The following SAMSN1 variants were observed in gnomAD, a reference collection of about 807,000 sequenced individuals.
SAMSN1 encodes SAM domain-containing protein SAMSN-1.
A neutral mutation model predicts 42.0 loss-of-function variants in SAMSN1; 31 were observed. The ratio of observed to expected loss-of-function variants is 0.74; its 90% CI spans 0.55 to 1.00. The LOEUF (loss-of-function observed/expected upper bound fraction) is 1.00. SAMSN1 is among the 50% of genes least tolerant of loss of function. The pLI is 0.00. For synonymous variants in SAMSN1, 178 were observed against 151.9 expected, an observed-to-expected ratio of 1.17 and a Z score of -1.26; for missense variants, 464 against 439.4, an observed-to-expected ratio of 1.06 and a Z score of -0.50.
intron 1 of SAMSN1, among the ~76,000 whole-genome samples, chr21:14,531,348 A>G (rs1276040625): frequency 1.3e-5 from 2 of 152,130 alleles, no homozygotes; most frequent in Admixed American, 1.3e-4. Context: ...ACAAACTATT[A>G]AAAGTATAAA....
chr21:14,554,721 C>T (rs1242107787), intron 2 of SAMSN1, among the ~76,000 whole-genome samples: 1 of 127,696 alleles, frequency 7.8e-6, no homozygotes, highest in African/African-American at 3.0e-5. Context: ...TTTTTTGAGA[C>T]AAAGTCTTCC....
At chr21:14,521,991 A>G (rs995352383) in intron 1 of SAMSN1, among the ~76,000 whole-genome samples, 10 of 152,214 alleles carry the variant, frequency 6.6e-5, no homozygotes, top group Admixed American at 5.9e-4. Flanking sequence ...GAAGGCACAC[A>G]CACAGACTTA....
At position 14,571,643 on chromosome 21, in the gene SAMSN1, A is replaced by G. The variant is rs369063446; in HGVS notation, c.261+10493T>C. ...TGAAATAAAATATCATGAAATGCAT[A>G]TGTGATGTGGCTACTATAAAATATA... On this transcript the variant is annotated intron_variant, in intron 2 of 8. Transcript: ENST00000285670. Among the ~76,000 whole-genome samples the G allele has an allele frequency of 2.6e-5, 4 of 152,316 alleles. No individual in the cohort carries two copies. In the East Asian group the frequency reaches 7.7e-4, roughly 29 times the overall value.
chr21:14,618,212 T>A (rs1982894776), intron 2 of SAMSN1, among the ~76,000 whole-genome samples: 1 of 152,234 alleles, frequency 6.6e-6, no homozygotes, highest in Non-Finnish European at 1.5e-5. Flanking sequence ...GACTTTCTTG[T>A]AATGAATATT....
chr21:14,638,778 T>C (rs181694317), intron 2 of SAMSN1, among the ~76,000 whole-genome samples: 1 of 152,302 alleles, frequency 6.6e-6, no homozygotes, highest in East Asian at 1.9e-4. Context: ...TGTTCTACAG[T>C]GTAAGGAAAT....
chr21:14,487,078 C>T (rs530462917), intron 7 of SAMSN1, among the ~76,000 whole-genome samples: 51 of 152,152 alleles, frequency 3.4e-4, no homozygotes, highest in Non-Finnish European at 6.0e-4. Context: ...GCTGCAGTAC[C>T]ATATCTTCCT....
At chr21:14,573,781 A>G (rs1981377898) in intron 2 of SAMSN1, among the ~76,000 whole-genome samples, 1 of 152,184 alleles carries the variant, frequency 6.6e-6, no homozygotes, top group Non-Finnish European at 1.5e-5. Context: ...ATGAGGAGGT[A>G]GAAGCCCATG....
At chr21:14,614,707 C>T (rs1982792197) in intron 3 of SAMSN1, among the ~76,000 whole-genome samples, 1 of 152,078 alleles carries the variant, frequency 6.6e-6, no homozygotes, top group African/African-American at 2.4e-5. Flanking sequence ...ATGCTTAGGA[C>T]ATCTCTTGGC....
intron 1 of SAMSN1, among the ~76,000 whole-genome samples, chr21:14,651,060 C>T (rs1983826657): frequency 6.6e-6 from 1 of 151,856 alleles, no homozygotes; most frequent in Admixed American, 6.6e-5. Context: ...AAAGAAAAGC[C>T]CAGAACCTGA....
chr21:14,559,713 C>T (rs914098969), intron 2 of SAMSN1, among the ~76,000 whole-genome samples: 3 of 151,850 alleles, frequency 2.0e-5, no homozygotes, highest in African/African-American at 7.3e-5. Context: ...CCTATGTTGC[C>T]CAGACTGGTC....
intron 7 of SAMSN1, among the ~76,000 whole-genome samples, chr21:14,493,117 G>A (rs1986764047): frequency 6.6e-6 from 1 of 152,088 alleles, no homozygotes; most frequent in South Asian, 2.1e-4. Context: ...GACTTGGGCA[G>A]GCAGGCAGGC....
intron 2 of SAMSN1, among the ~76,000 whole-genome samples, chr21:14,555,437 A>G (rs1342636860): frequency 5.3e-5 from 8 of 152,114 alleles, no homozygotes; most frequent in Non-Finnish European, 1.5e-5. Context: ...ATTTGGACAT[A>G]TTTATCTTAT....
chr21:14,613,631 T>C (rs1209520757), intron 3 of SAMSN1, among the ~76,000 whole-genome samples: 1 of 152,162 alleles, frequency 6.6e-6, no homozygotes, highest in Non-Finnish European at 1.5e-5. Context: ...TTCCTTTTCA[T>C]TTTTTAATGC....
chr21:14,588,877 G>A (rs1205683206), intron 7 of SAMSN1, among the ~76,000 whole-genome samples: 1 of 150,052 alleles, frequency 6.7e-6, no homozygotes, highest in Non-Finnish European at 1.5e-5. Flanking sequence ...TTTCACTTTT[G>A]TCTTTGTAAT....
chr21:14,553,141 T>TA lies in SAMSN1; in HGVS notation c.261+28994dup, dbSNP rs764940677. Reference sequence around the variant, plus strand: ...GGCATTATCTATTTATTCCTTTTTTTATCCTTGAGGATTTTGTACTCTTCT... The same window carrying TA: ...GGCATTATCTATTTATTCCTTTTTTTAATCCTTGAGGATTTTGTACTCTTCT... On this transcript the variant is annotated intron_variant, in intron 2 of 8. Coordinates refer to the SAMSN1 transcript ENST00000285670. Among the ~76,000 whole-genome samples, 41 of 152,258 alleles carry TA rather than the reference T, an allele frequency of 2.7e-4. 5 individuals are homozygous for TA. The highest frequency in any genetic ancestry group is 1.7e-3 in the South Asian group (8 of 4,830).
At chr21:14,626,816 A>G (rs1433371157) in intron 2 of SAMSN1, among the ~76,000 whole-genome samples, 1 of 152,212 alleles carries the variant, frequency 6.6e-6, no homozygotes, top group Non-Finnish European at 1.5e-5. Flanking sequence ...TGCTATAAAG[A>G]CACATGCACA....
chr21:14,651,316 A>G (rs1169024879), intron 1 of SAMSN1, among the ~76,000 whole-genome samples: 1 of 152,008 alleles, frequency 6.6e-6, no homozygotes, highest in Admixed American at 6.6e-5. Flanking sequence ...CAACAACAAT[A>G]TATTAGAAAG....
chr21:14,516,878 C>G lies in SAMSN1; in HGVS notation c.279+14G>C, dbSNP rs192625961. ...TTAGTAGAAAAATACAAATGATTATCAGAGAATATTTACCTTTTCCTCAGA... is the reference window on the plus strand; with the variant it reads ...TTAGTAGAAAAATACAAATGATTATGAGAGAATATTTACCTTTTCCTCAGA... On this transcript the variant is annotated intron_variant, in intron 3 of 7. Transcript: ENST00000400566. The G allele has an allele frequency of 3.1e-6, 5 of 1,589,682 alleles. No individual in the cohort carries two copies. In the East Asian group the frequency reaches 6.7e-5, roughly 21 times the overall value.
At chr21:14,540,317 C>T (rs1402560935) in intron 1 of SAMSN1, among the ~76,000 whole-genome samples, 1 of 152,194 alleles carries the variant, frequency 6.6e-6, no homozygotes, top group East Asian at 1.9e-4. Context: ...TAAAGAGCTT[C>T]TGCACAGCAA....
Sources: gnomAD v4.1 joint callset for allele counts (sites outside exome capture counted in the v4.1 genomes callset) on GRCh38, gnomAD v4.1.1 for gene constraint, MANE v1.5 for transcripts, NCBI Gene and HGNC (gene_info 2026-07-23, HGNC 2026-07-21) for gene names.